The following GRIA1 variants were observed in gnomAD, a reference collection of about 807,000 sequenced individuals.
GRIA1 encodes the protein glutamate ionotropic receptor AMPA type subunit 1.
A neutral mutation model predicts 99.2 loss-of-function variants in GRIA1; 31 were observed. The ratio of observed to expected loss-of-function variants is 0.31; its 90% CI spans 0.23 to 0.42. The LOEUF (loss-of-function observed/expected upper bound fraction) is 0.42. Ranked by LOEUF, GRIA1 falls within the 10% of genes least tolerant of loss-of-function variation. The pLI is 1.00. For missense variants in GRIA1, 782 were observed against 1,157.5 expected, an observed-to-expected ratio of 0.68 and a Z score of 4.71; for synonymous variants, 438 against 432.4, an observed-to-expected ratio of 1.01 and a Z score of -0.16.
At chr5:153,762,583 T>C (rs1408412290) in intron 11 of GRIA1, among the ~76,000 whole-genome samples, 3 of 152,204 alleles carry the variant, frequency 2.0e-5, no homozygotes, top group Admixed American at 6.5e-5. Context: ...GTCTACCTAC[T>C]TATGATTTTA....
intron 1 of GRIA1, chr5:153,492,032 C>A (rs1267192716): frequency 1.1e-6 from 1 of 874,722 alleles, no homozygotes; most frequent in East Asian, 2.8e-5. Context: ...CGGAATGAAG[C>A]AAGCTGCTGT....
At chr5:153,648,022 A>C (rs966523311) in intron 3 of GRIA1, among the ~76,000 whole-genome samples, 36 of 152,194 alleles carry the variant, frequency 2.4e-4, no homozygotes, top group African/African-American at 8.7e-4. Flanking sequence ...TAATTTATTC[A>C]CTACTGGTGT....
At chr5:153,807,551 A>G (rs1196091631) in intron 15 of GRIA1, among the ~76,000 whole-genome samples, 1 of 152,208 alleles carries the variant, frequency 6.6e-6, no homozygotes, top group Non-Finnish European at 1.5e-5. Context: ...CAGAGACCCA[A>G]AGATGTGAAC....
chr5:153,626,430 C>CTGTGTGTGTGTGTATGTG (rs1354402633), intron 2 of GRIA1, among the ~76,000 whole-genome samples: 1 of 132,790 alleles, frequency 7.5e-6, no homozygotes, highest in Non-Finnish European at 1.7e-5. Flanking sequence ...AATCTAGTCT[C>CTGTGTGTGTGTGTATGTG]TGTGTGTGTG....
chr5:153,497,996 T>A (rs998197095), intron 2 of GRIA1, among the ~76,000 whole-genome samples: 1 of 152,130 alleles, frequency 6.6e-6, no homozygotes, highest in African/African-American at 2.4e-5. Flanking sequence ...TAAATAGGGT[T>A]ATCTATCTGC....
At chr5:153,600,323 C>T (rs1339739498) in intron 2 of GRIA1, among the ~76,000 whole-genome samples, 2 of 127,534 alleles carry the variant, frequency 1.6e-5, no homozygotes, top group East Asian at 2.7e-4. Context: ...ACCCAGGAGG[C>T]GGAGTTTGCA....
rs570760143 is a variant in GRIA1 at position 153,572,808 on chromosome 5, T to C, written c.221-74120T>C. On this transcript the variant is annotated intron_variant, in intron 2 of 15. Transcript: ENST00000285900. ...GGCTGCTTCTTCTTCAAAGCTGTGT[T>C]CCAGCAGAGCACATTTTGTGCATAC... 4.6e-5 allele frequency among the ~76,000 whole-genome samples: 7 copies of C among 152,316 alleles called. No individual in the cohort carries two copies. The East Asian group carries it at 1.2e-3, about 25-fold the overall frequency.
chr5:153,792,810 A>G (rs964033521), intron 13 of GRIA1, among the ~76,000 whole-genome samples: 1 of 152,090 alleles, frequency 6.6e-6, no homozygotes, highest in African/African-American at 2.4e-5. Context: ...GAGAGAGAGG[A>G]GTACTGGCCC....
chr5:153,743,628 A>G (rs936034476), intron 11 of GRIA1, among the ~76,000 whole-genome samples: 3 of 152,018 alleles, frequency 2.0e-5, no homozygotes, highest in Non-Finnish European at 4.4e-5. Flanking sequence ...CCCACTTCAA[A>G]TCTCTCTGTC....
At chr5:153,497,155 T>A (rs1754520610) in intron 2 of GRIA1, among the ~76,000 whole-genome samples, 1 of 152,166 alleles carries the variant, frequency 6.6e-6, no homozygotes, top group African/African-American at 2.4e-5. Flanking sequence ...GCTTCCCTGG[T>A]CTGCCATTGT....
chr5:153,497,976 G>A (rs182137500), intron 2 of GRIA1, among the ~76,000 whole-genome samples: 128 of 152,210 alleles, frequency 8.4e-4, no homozygotes, highest in Middle Eastern at 6.8e-3. Flanking sequence ...ATTGAATTGA[G>A]CCTCAACGAT....
intron 14 of GRIA1, among the ~76,000 whole-genome samples, chr5:153,800,569 C>G (rs571681802): frequency 6.6e-6 from 1 of 152,336 alleles, no homozygotes; most frequent in South Asian, 2.1e-4. Flanking sequence ...CAGGCTATGC[C>G]TTGCCAAGTG....
chr5:153,614,431 G>A (rs1766286791), intron 2 of GRIA1, among the ~76,000 whole-genome samples: 1 of 152,144 alleles, frequency 6.6e-6, no homozygotes, highest in South Asian at 2.1e-4. Flanking sequence ...ATTTTTATAT[G>A]TATTTACTCA....
intron 11 of GRIA1, among the ~76,000 whole-genome samples, chr5:153,720,305 C>G (rs1402475041): frequency 6.6e-6 from 1 of 152,176 alleles, no homozygotes; most frequent in East Asian, 1.9e-4. Context: ...ACTTCAACAC[C>G]TTTCAGGTTA....
chr5:153,782,847 A>G (rs1434160867), intron 13 of GRIA1, among the ~76,000 whole-genome samples: 1 of 152,186 alleles, frequency 6.6e-6, no homozygotes, highest in Non-Finnish European at 1.5e-5. Flanking sequence ...AGGGTGATTC[A>G]TGCATTCTTT....
intron 13 of GRIA1, among the ~76,000 whole-genome samples, chr5:153,793,354 C>T (rs571857058): frequency 6.6e-6 from 1 of 152,292 alleles, no homozygotes; most frequent in South Asian, 2.1e-4. Flanking sequence ...TGGGGACATC[C>T]TCCTTCATCG....
At chr5:153,572,559 G>A (rs1293074831) in intron 2 of GRIA1, among the ~76,000 whole-genome samples, 1 of 152,152 alleles carries the variant, frequency 6.6e-6, no homozygotes, top group East Asian at 1.9e-4. Context: ...TGTCAGCCGT[G>A]GATGGGAGAT....
chr5:153,649,145 G>A (rs761484303), intron 3 of GRIA1, among the ~76,000 whole-genome samples: 4 of 152,166 alleles, frequency 2.6e-5, no homozygotes, highest in East Asian at 1.9e-4. Flanking sequence ...AGTTGGAAAG[G>A]CAAGAGAGTG....
At chr5:153,722,981 G>T (rs1284238796) in intron 11 of GRIA1, among the ~76,000 whole-genome samples, 4 of 152,198 alleles carry the variant, frequency 2.6e-5, no homozygotes, top group African/African-American at 4.8e-5. Context: ...CAGGATAATT[G>T]TGGGTAGAAA....
Sources: allele counts gnomAD v4.1 joint callset (sites outside exome capture counted in the v4.1 genomes callset), GRCh38; gene constraint gnomAD v4.1.1; transcripts MANE v1.5; gene names NCBI Gene and HGNC (gene_info 2026-07-23, HGNC 2026-07-21).